FSTL5: variants seen among roughly 807,000 people sequenced by gnomAD.
The protein encoded by FSTL5 is follistatin-related protein 5.
In FSTL5, 62 loss-of-function variants were observed where a neutral mutation model predicts 89.1. The observed-to-expected ratio is 0.70, with a 90% CI of 0.57 to 0.86. The LOEUF (loss-of-function observed/expected upper bound fraction) is 0.86, where lower values mean the gene tolerates loss of function less well. FSTL5 is among the 40% of genes least tolerant of loss of function. FSTL5 has a pLI of 0.00. For synonymous variants in FSTL5, 383 were observed against 346.2 expected, an observed-to-expected ratio of 1.11 and a Z score of -1.18; for missense variants, 1,057 against 1,001.6, an observed-to-expected ratio of 1.06 and a Z score of -0.75.
chr4:161,821,110 T>A (rs1350429411), intron 4 of FSTL5, among the ~76,000 whole-genome samples: 1 of 152,166 alleles, frequency 6.6e-6, no homozygotes, highest in Non-Finnish European at 1.5e-5. Flanking sequence ...CAATCATGGC[T>A]CATTACAGCC....
At chr4:161,713,224 T>A (rs1738858625) in intron 6 of FSTL5, among the ~76,000 whole-genome samples, 1 of 152,228 alleles carries the variant, frequency 6.6e-6, no homozygotes, top group African/African-American at 2.4e-5. Flanking sequence ...GCTAATAGCA[T>A]GACAGACTAA....
intron 4 of FSTL5, among the ~76,000 whole-genome samples, chr4:161,850,717 A>C (rs951412920): frequency 6.6e-6 from 1 of 152,234 alleles, no homozygotes; most frequent in Non-Finnish European, 1.5e-5. Context: ...GGATTAAGTT[A>C]TAAAAGAAAA....
intron 10 of FSTL5, among the ~76,000 whole-genome samples, chr4:161,510,876 G>T (rs61693541): frequency 6.6e-6 from 1 of 151,708 alleles, no homozygotes. Flanking sequence ...TGAACAAGAA[G>T]AGTTCTTGTA....
intron 2 of FSTL5, among the ~76,000 whole-genome samples, chr4:162,056,158 T>C (rs1057036974): frequency 6.6e-6 from 1 of 151,904 alleles, no homozygotes; most frequent in African/African-American, 2.4e-5. Flanking sequence ...ACATTTGCAA[T>C]GAATGTCACT....
rs1578932984 is a variant in FSTL5, at chr4:161,385,684, A to G, written c.*63T>C. On this transcript the variant is annotated 3_prime_UTR_variant, in exon 16 of 16. Transcript: ENST00000306100. ...ACTTGGAAAGTTAAGTTGTAAATTT[A>G]AACAATGGATTAAGTGCAATGTATT... The G allele has an allele frequency of 8.3e-7, 1 of 1,201,864 alleles. No individual in the cohort carries two copies. The highest frequency in any genetic ancestry group is 2.4e-5 in the East Asian group (1 of 42,360). The allele number at this position is 1,201,864 out of a possible 1,614,324, so 74.4% of individuals were successfully genotyped here.
chr4:162,117,784 A>G (rs1490361679), intron 1 of FSTL5, among the ~76,000 whole-genome samples: 4 of 152,178 alleles, frequency 2.6e-5, no homozygotes, highest in Non-Finnish European at 5.9e-5. Flanking sequence ...TATGTTAATC[A>G]TTTCTGTAAA....
At chr4:162,016,488 G>A (rs997426138) in intron 3 of FSTL5, among the ~76,000 whole-genome samples, 3 of 152,068 alleles carry the variant, frequency 2.0e-5, no homozygotes, top group Non-Finnish European at 4.4e-5. Context: ...CATTCCCTAG[G>A]GCTCATTCTG....
intron 3 of FSTL5, among the ~76,000 whole-genome samples, chr4:161,969,879 G>A (rs1352645529): frequency 1.3e-5 from 2 of 152,048 alleles, no homozygotes; most frequent in Non-Finnish European, 2.9e-5. Context: ...AGGAAATGAG[G>A]ATTTGAGAAG....
chr4:161,423,832 TTTTTA>T (rs553668067), intron 15 of FSTL5, among the ~76,000 whole-genome samples: 5 of 151,258 alleles, frequency 3.3e-5, no homozygotes, highest in East Asian at 3.9e-4. Context: ...TTTCCTAGTA[TTTTTA>T]TTTTATTTTA....
chr4:161,482,789 A>G (rs1729561477), intron 12 of FSTL5, among the ~76,000 whole-genome samples: 1 of 152,204 alleles, frequency 6.6e-6, no homozygotes, highest in Non-Finnish European at 1.5e-5. Context: ...CCTGCTGTTT[A>G]TGTTCTCCAA....
intron 4 of FSTL5, among the ~76,000 whole-genome samples, chr4:161,792,391 G>C (rs7662897): frequency 2.6e-5 from 4 of 152,106 alleles, no homozygotes; most frequent in Non-Finnish European, 5.9e-5. Context: ...GGTTGATGAC[G>C]GCAAAAGGCA....
At chr4:161,640,688 T>C (rs1311238238) in intron 7 of FSTL5, among the ~76,000 whole-genome samples, 1 of 138,096 alleles carries the variant, frequency 7.2e-6, no homozygotes, top group Non-Finnish European at 1.5e-5. Context: ...CATCAAGAGT[T>C]CCAACACATG....
chr4:161,889,159 C>A (rs1732907927), intron 4 of FSTL5, among the ~76,000 whole-genome samples: 1 of 152,126 alleles, frequency 6.6e-6, no homozygotes, highest in Non-Finnish European at 1.5e-5. Flanking sequence ...GTCAACCAAG[C>A]TTTGAGTAGC....
At position 161,542,533 on chromosome 4, in the gene FSTL5, T is replaced by C. The variant is rs1731859910; in HGVS notation, c.1176A>G (p.Gln392=). Residue 392 remains glutamine (Q), a splice_region_variant and synonymous_variant, in exon 9 of 16, where the codon CAA becomes CAG. Transcript: ENST00000306100. The part of the protein sequence containing the change: ...TPKLSKQLTL[Q]ANGSEVHISN... ...GAAAAAAAAGCAAGTAAAAAGCACCTTGAAGCGTGAGTTGTTTGGAAAGCT... is the reference window on the plus strand; with the variant it reads ...GAAAAAAAAGCAAGTAAAAAGCACCCTGAAGCGTGAGTTGTTTGGAAAGCT... 4 of 1,477,410 alleles carry C rather than the reference T, an allele frequency of 2.7e-6. No individual in the cohort carries two copies. Among genetic ancestry groups the C allele is most frequent in the Middle Eastern group, 1.8e-4 (1 of 5,524 alleles). 91.5% of individuals were successfully genotyped at this position (1,477,410 alleles called of 1,614,324 possible).
chr4:161,988,530 T>A, intron 3 of FSTL5, among the ~76,000 whole-genome samples: 1 of 152,118 alleles, frequency 6.6e-6, no homozygotes, highest in Non-Finnish European at 1.5e-5. Context: ...CAATTTTCAA[T>A]TGAAGCTAGT....
intron 7 of FSTL5, among the ~76,000 whole-genome samples, chr4:161,649,651 G>A (rs996909688): frequency 1.3e-5 from 2 of 152,128 alleles, no homozygotes; most frequent in Admixed American, 1.3e-4. Context: ...AGTAAACATT[G>A]TTTGTTGTCA....
At position 161,562,904 on chromosome 4, in the gene FSTL5, T is replaced by C. The variant is rs766753785; in HGVS notation, c.1016-20211A>G. Among the ~76,000 whole-genome samples, 6 of 152,066 alleles carry C rather than the reference T, an allele frequency of 3.9e-5. 1 individual carries two copies. The highest frequency in any genetic ancestry group is 3.9e-4 in the Admixed American group (6 of 15,224). ...TATACATAGAATTATACAATATTTA[T>C]CATTTTGTAGTTGGCTTATTTCACT... On this transcript the variant is annotated intron_variant, in intron 8 of 15. Coordinates refer to ENST00000306100, the MANE Select transcript of FSTL5 (RefSeq NM_020116.5).
chr4:161,386,305 G>A lies in FSTL5; in HGVS notation c.1986C>T (p.Phe662=). 2 of 1,613,988 alleles carry A rather than the reference G, an allele frequency of 1.2e-6. No homozygotes were observed. Among genetic ancestry groups the A allele is most frequent in the South Asian group, 1.1e-5 (1 of 91,076 alleles). Residue 662 remains phenylalanine, a synonymous_variant, in exon 16 of 16, where the codon TTC becomes TTT. Transcript: ENST00000306100. The stretch of plus-strand genomic sequence containing the variant: ...CGGTGCTGTCAGGTTTGCAGCCAAT[G>A]AAGTAGTAGCCTCCCAAGTGTGTAT... The part of the protein sequence containing the change: ...LAYTHLGGYY[F]IGCKPDSTGA...
intron 15 of FSTL5, among the ~76,000 whole-genome samples, chr4:161,396,984 C>A (rs1731025916): frequency 6.6e-6 from 1 of 151,950 alleles, no homozygotes; most frequent in Non-Finnish European, 1.5e-5. Flanking sequence ...TCTCTTCTAC[C>A]CCAAATCAAA....
Sources: gnomAD v4.1 joint callset for allele counts (sites outside exome capture counted in the v4.1 genomes callset) on GRCh38, gnomAD v4.1.1 for gene constraint, MANE v1.5 for transcripts, NCBI Gene and HGNC (gene_info 2026-07-23, HGNC 2026-07-21) for gene names.